ADAMTSL1: variants seen among roughly 807,000 people sequenced by gnomAD.
The protein encoded by ADAMTSL1 is ADAMTS-like protein 1.
ADAMTSL1 carries 126 observed loss-of-function variants against 201.8 expected under a neutral mutation model. The observed-to-expected ratio is 0.62, with a 90% CI of 0.54 to 0.72. The LOEUF (loss-of-function observed/expected upper bound fraction) is 0.72, where lower values mean the gene tolerates loss of function less well. Among genes scored for constraint, ADAMTSL1 ranks in the 30% least tolerant of loss-of-function variants. The probability of loss-of-function intolerance (pLI) is 0.00; values close to 1 mark genes in which losing one functional copy is unlikely to be tolerated. For synonymous variants in ADAMTSL1, 1,121 were observed against 903.4 expected (o/e 1.24, Z -4.32); for missense variants, 2,679 against 2,277.8 (o/e 1.18, Z -3.59).
intron 23 of ADAMTSL1, among the ~76,000 whole-genome samples, chr9:18,835,977 G>A (rs192966847): frequency 1.1e-3 from 172 of 152,282 alleles, no homozygotes; most frequent in African/African-American, 3.9e-3. Flanking sequence ...ACAAATGCAC[G>A]TGTCTTTTTG....
intron 23 of ADAMTSL1, among the ~76,000 whole-genome samples, chr9:18,867,325 G>C (rs888794522): frequency 2.6e-5 from 4 of 151,538 alleles, no homozygotes; most frequent in Non-Finnish European, 5.9e-5. Context: ...GTTTAAATAG[G>C]CTGGTACAGC....
Position 18,892,531 on chromosome 9 carries a change from C to T in ADAMTSL1, c.4786C>T (p.Pro1596Ser). The change falls in exon 26 of 29, where the codon CCT (proline) becomes TCT (serine). Residue 1596 changes from proline to serine, a missense_variant. By Grantham distance (74) the Pro-to-Ser change is moderately conservative. Coordinates refer to ENST00000380548, the MANE Select transcript of ADAMTSL1 (RefSeq NM_001040272.6). ...CATGTGCACCCAGGTCGCCAAGCGG[C>T]CTGTGGACACCCAGGCCTGTAACCA... The part of the protein sequence containing the change: ...NDMCTQVAKR[P>S]VDTQACNQQL... The T allele has an allele frequency of 6.3e-7, 1 of 1,588,264 alleles. No homozygotes were observed. The highest frequency in any genetic ancestry group is 1.7e-4 in the Middle Eastern group (1 of 6,040).
At chr9:18,176,007 C>CAAA (rs57982328) in intron 2 of ADAMTSL1, among the ~76,000 whole-genome samples, 12 of 62,568 alleles carry the variant, frequency 1.9e-4, no homozygotes, top group African/African-American at 7.2e-4. Context: ...AGAGGGAAAG[C>CAAA]AAAAAAAAAA....
chr9:18,220,986 G>C (rs1363927051), intron 2 of ADAMTSL1, among the ~76,000 whole-genome samples: 1 of 152,070 alleles, frequency 6.6e-6, no homozygotes, highest in East Asian at 1.9e-4. Flanking sequence ...TGTTGCCCAG[G>C]CTGGTCTCAA....
intron 2 of ADAMTSL1, among the ~76,000 whole-genome samples, chr9:18,446,298 G>A (rs1820189913): frequency 6.6e-6 from 1 of 152,074 alleles, no homozygotes; most frequent in Non-Finnish European, 1.5e-5. Context: ...TATGCCTGGG[G>A]GAAAAAAATG....
chr9:18,310,902 C>CATGT (rs1834125174), intron 2 of ADAMTSL1, among the ~76,000 whole-genome samples: 1 of 152,122 alleles, frequency 6.6e-6, no homozygotes, highest in Non-Finnish European at 1.5e-5. Context: ...GACACATGCA[C>CATGT]ATGTATGTTT....
intron 15 of ADAMTSL1, among the ~76,000 whole-genome samples, chr9:18,724,754 C>G (rs906211456): frequency 2.6e-5 from 4 of 152,120 alleles, no homozygotes; most frequent in Non-Finnish European, 5.9e-5. Context: ...AATGTTTGGA[C>G]CATATTATCA....
chr9:18,224,200 A>G (rs964615459), intron 2 of ADAMTSL1, among the ~76,000 whole-genome samples: 1 of 152,098 alleles, frequency 6.6e-6, no homozygotes, highest in African/African-American at 2.4e-5. Context: ...TTTATAAAGA[A>G]CAGAAATTTA....
At chr9:18,657,317 A>G (rs528224578) in intron 7 of ADAMTSL1, among the ~76,000 whole-genome samples, 28 of 152,352 alleles carry the variant, frequency 1.8e-4, no homozygotes, top group African/African-American at 6.7e-4. Context: ...TTTATCTATT[A>G]TACCAAAGAG....
At chr9:18,685,220 G>A (rs6475238) in intron 13 of ADAMTSL1, among the ~76,000 whole-genome samples, 2,299 of 152,278 alleles carry the variant, frequency 0.015, 47 homozygotes, top group African/African-American at 0.051. Context: ...TGAGGGCAAA[G>A]GAAGTTCATT....
intron 26 of ADAMTSL1, among the ~76,000 whole-genome samples, chr9:18,905,125 GATGTTGGCTAC>G (rs1358692841): frequency 6.6e-6 from 1 of 152,210 alleles, no homozygotes; most frequent in Non-Finnish European, 1.5e-5. Context: ...TGAAATAGCA[GATGTTGGCTAC>G]ATGTTGGCTA....
At chr9:18,331,692 C>T (rs1027639681) in intron 2 of ADAMTSL1, among the ~76,000 whole-genome samples, 1 of 152,168 alleles carries the variant, frequency 6.6e-6, no homozygotes, top group African/African-American at 2.4e-5. Flanking sequence ...CTTTTCTATC[C>T]TATTGCCACC....
At chr9:18,532,448 G>A (rs1184447758) in intron 2 of ADAMTSL1, among the ~76,000 whole-genome samples, 1 of 152,074 alleles carries the variant, frequency 6.6e-6, no homozygotes, top group African/African-American at 2.4e-5. Flanking sequence ...AAACACCAAA[G>A]TGGAAATTAC....
rs115292233 is a variant in ADAMTSL1, at chr9:18,879,046, T to C, written c.4250-8785T>C. On this transcript the variant is annotated intron_variant, in intron 23 of 28. Transcript: ENST00000380548. ...GAAAAGCCTAAATAACCTTCATATA[T>C]AACATTTCTTCCATGACCCCATCAT... Among the ~76,000 whole-genome samples, 1,272 of 152,278 alleles carry C rather than the reference T, an allele frequency of 8.4e-3. 21 individuals are homozygous for C. The highest frequency in any genetic ancestry group is 0.029 in the African/African-American group (1,210 of 41,552).
intron 1 of ADAMTSL1, among the ~76,000 whole-genome samples, chr9:18,104,846 CT>C (rs1267507664): frequency 6.6e-6 from 1 of 152,148 alleles, no homozygotes; most frequent in Non-Finnish European, 1.5e-5. Context: ...TCACCCTAGG[CT>C]TTCTTTATCT....
intron 2 of ADAMTSL1, among the ~76,000 whole-genome samples, chr9:18,240,105 TTCCACTTACTGTACCCAGA>T (rs932606852): frequency 6.6e-6 from 1 of 152,192 alleles, no homozygotes; most frequent in Non-Finnish European, 1.5e-5. Context: ...CCAGAAGGTT[TTCCACTTACTGTACCCAGA>T]TCCATTGAGA....
At chr9:18,540,612 C>T (rs1820072733) in intron 3 of ADAMTSL1, among the ~76,000 whole-genome samples, 1 of 152,122 alleles carries the variant, frequency 6.6e-6, no homozygotes, top group Non-Finnish European at 1.5e-5. Flanking sequence ...AACTTAGCCC[C>T]ACATGTTATT....
intron 24 of ADAMTSL1, 94 bp from the exon 25 acceptor site, chr9:18,889,474 C>G: frequency 7.3e-7 from 1 of 1,366,792 alleles, no homozygotes; most frequent in East Asian, 2.5e-5. Flanking sequence ...ACAAATCCAC[C>G]CCTGTCACCT....
At chr9:18,280,494 C>G (rs1832743175) in intron 2 of ADAMTSL1, among the ~76,000 whole-genome samples, 1 of 151,696 alleles carries the variant, frequency 6.6e-6, no homozygotes, top group South Asian at 2.1e-4. Flanking sequence ...CAAGAATTGC[C>G]ATTTGAACAA....
Sources: allele counts gnomAD v4.1 joint callset (sites outside exome capture counted in the v4.1 genomes callset), GRCh38; gene constraint gnomAD v4.1.1; transcripts MANE v1.5; gene names NCBI Gene and HGNC (gene_info 2026-07-23, HGNC 2026-07-21).